AGMO: variants seen among roughly 807,000 people sequenced by gnomAD.
The protein encoded by AGMO is alkylglycerol monooxygenase, also known as glyceryl-ether monooxygenase.
Under a neutral mutation model 60.2 loss-of-function variants are expected in AGMO, and 75 were observed. That is an observed-to-expected ratio of 1.25 (90% CI 1.03 to 1.51). The LOEUF is 1.51. AGMO is among the 40% of genes most tolerant of loss of function. The pLI is 0.00. For synonymous variants in AGMO, 261 were observed against 177.1 expected (o/e 1.47, Z -3.76); for missense variants, 763 against 525.5 (o/e 1.45, Z -4.42).
chr7:15,362,471 G>A (rs1408668916), intron 12 of AGMO, among the ~76,000 whole-genome samples: 1 of 152,144 alleles, frequency 6.6e-6, no homozygotes, highest in Non-Finnish European at 1.5e-5. Context: ...ATGGTAATAT[G>A]AACAATGATA....
At chr7:15,206,266 T>G (rs1276706912) in intron 12 of AGMO, among the ~76,000 whole-genome samples, 1 of 152,094 alleles carries the variant, frequency 6.6e-6, no homozygotes, top group African/African-American at 2.4e-5. Context: ...TTTTCTAGAA[T>G]TTTGCAAGAA....
chr7:15,251,020 T>C (rs192713063), intron 12 of AGMO, among the ~76,000 whole-genome samples: 14 of 152,206 alleles, frequency 9.2e-5, no homozygotes, highest in Admixed American at 8.5e-4. Flanking sequence ...AAAGTTTGCT[T>C]ATACATATAC....
At chr7:15,533,879 G>C (rs1784425284) in intron 3 of AGMO, among the ~76,000 whole-genome samples, 1 of 152,016 alleles carries the variant, frequency 6.6e-6, no homozygotes, top group Non-Finnish European at 1.5e-5. Flanking sequence ...CCAAAACACA[G>C]AGCTGGCATT....
At chr7:15,292,954 G>C (rs1784315433) in intron 12 of AGMO, among the ~76,000 whole-genome samples, 1 of 151,500 alleles carries the variant, frequency 6.6e-6, no homozygotes, top group Non-Finnish European at 1.5e-5. Context: ...GTAGAGATGG[G>C]GTTTCACCTC....
intron 12 of AGMO, among the ~76,000 whole-genome samples, chr7:15,236,280 G>T (rs1401596990): frequency 6.6e-6 from 1 of 152,068 alleles, no homozygotes; most frequent in Non-Finnish European, 1.5e-5. Flanking sequence ...TATATAGTAA[G>T]ATACCATTTT....
chr7:15,377,651 C>G (rs895485476), intron 10 of AGMO, among the ~76,000 whole-genome samples: 1 of 151,986 alleles, frequency 6.6e-6, no homozygotes, highest in Non-Finnish European at 1.5e-5. Flanking sequence ...GCGAACTGTA[C>G]TCAACATTGG....
chr7:15,481,690 G>A (rs1782755029), intron 3 of AGMO, among the ~76,000 whole-genome samples: 1 of 150,966 alleles, frequency 6.6e-6, no homozygotes, highest in African/African-American at 2.4e-5. Context: ...TGAGAATATA[G>A]AAATTAGACC....
chr7:15,281,921 A>T (rs1783977958), intron 12 of AGMO, among the ~76,000 whole-genome samples: 1 of 152,216 alleles, frequency 6.6e-6, no homozygotes, highest in Non-Finnish European at 1.5e-5. Context: ...TACAATGAGC[A>T]TCTGAGAAAG....
At chr7:15,184,506 GAAGGA>G in the AGMO span, among the ~76,000 whole-genome samples, 1 of 112,530 alleles carries the variant, frequency 8.9e-6, no homozygotes, top group African/African-American at 3.5e-5. Flanking sequence ...GGAAGGAATA[GAAGGA>G]AGGAAGGGAG....
chr7:15,170,511 C>T, the AGMO span, among the ~76,000 whole-genome samples: 1 of 152,104 alleles, frequency 6.6e-6, no homozygotes, highest in African/African-American at 2.4e-5. Context: ...TGCATGCATA[C>T]ATCTATATGC....
At chr7:15,519,415 G>A (rs1348177978) in intron 3 of AGMO, among the ~76,000 whole-genome samples, 2 of 152,044 alleles carry the variant, frequency 1.3e-5, no homozygotes, top group South Asian at 2.1e-4. Flanking sequence ...GAATAAGGTC[G>A]GGTTACCCAC....
chr7:15,441,314 A>C (rs1781547246), intron 3 of AGMO, among the ~76,000 whole-genome samples: 1 of 152,206 alleles, frequency 6.6e-6, no homozygotes, highest in Non-Finnish European at 1.5e-5. Flanking sequence ...TACATTATAA[A>C]ATAATTATGA....
intron 3 of AGMO, among the ~76,000 whole-genome samples, chr7:15,519,071 A>C (rs973455309): frequency 8.6e-5 from 13 of 151,704 alleles, no homozygotes; most frequent in African/African-American, 3.1e-4. Flanking sequence ...GATATCAGAG[A>C]ATGAAGATCA....
At chr7:15,172,724 C>A in the AGMO span, among the ~76,000 whole-genome samples, 1 of 152,022 alleles carries the variant, frequency 6.6e-6, no homozygotes, top group East Asian at 1.9e-4. Flanking sequence ...AAGAATTATG[C>A]TTATGCTTAT....
the AGMO span, among the ~76,000 whole-genome samples, chr7:15,168,106 G>T: frequency 2.6e-5 from 4 of 152,046 alleles, no homozygotes; most frequent in South Asian, 2.1e-4. Flanking sequence ...TGATTGCACA[G>T]GGTGTGGCCA....
rs1396456510 is a variant in AGMO, at chr7:15,550,934, C to A, written c.258-6011G>T. Among the ~76,000 whole-genome samples the A allele has an allele frequency of 7.7e-3, 1,036 of 135,350 alleles. 7 individuals carry two copies. Among genetic ancestry groups the A allele is most frequent in the African/African-American group, 0.028 (965 of 34,538 alleles). 88.8% of individuals were successfully genotyped at this position (135,350 alleles called of 152,430 possible). ...AAATCCTCAATAAAATACTGGCAAA[C>A]CGAATCCAGCAGCACATCAAAAAGC... On this transcript the variant is annotated intron_variant, in intron 2 of 12. Coordinates refer to ENST00000342526, the MANE Select transcript of AGMO (RefSeq NM_001004320.2).
intron 10 of AGMO, among the ~76,000 whole-genome samples, chr7:15,382,108 C>T (rs1284809983): frequency 1.3e-5 from 2 of 152,058 alleles, no homozygotes; most frequent in African/African-American, 4.8e-5. Flanking sequence ...ATACAACAAA[C>T]CCCTCATGAC....
At chr7:15,371,848 A>AT (rs1403399994) in intron 10 of AGMO, among the ~76,000 whole-genome samples, 2 of 152,144 alleles carry the variant, frequency 1.3e-5, no homozygotes, top group Admixed American at 1.3e-4. Context: ...TAATACCAAT[A>AT]TTTTATATTC....
intron 12 of AGMO, among the ~76,000 whole-genome samples, chr7:15,345,488 T>C (rs1328630582): frequency 6.6e-6 from 1 of 152,198 alleles, no homozygotes; most frequent in Admixed American, 6.5e-5. Flanking sequence ...GTTTCCCTTC[T>C]AAGTTCTTTT....
Sources: gnomAD v4.1 joint callset for allele counts (sites outside exome capture counted in the v4.1 genomes callset) on GRCh38, gnomAD v4.1.1 for gene constraint, MANE v1.5 for transcripts, NCBI Gene and HGNC (gene_info 2026-07-23, HGNC 2026-07-21) for gene names.